The following MYO16 variants were observed in gnomAD, a reference collection of about 807,000 sequenced individuals.
The protein encoded by MYO16 is unconventional myosin-XVI.
In MYO16, 94 loss-of-function variants were observed where a neutral mutation model predicts 205.3. The observed-to-expected ratio is 0.46, with a 90% CI of 0.39 to 0.54. The LOEUF (loss-of-function observed/expected upper bound fraction) is 0.54. Ranked by LOEUF, MYO16 falls within the 20% of genes least tolerant of loss-of-function variation. The probability of loss-of-function intolerance (pLI) is 0.00; values close to 1 mark genes in which losing one functional copy is unlikely to be tolerated. For missense variants in MYO16, 2,315 were observed against 2,387.5 expected (o/e 0.97, Z 0.63); for synonymous variants, 988 against 954.0 (o/e 1.04, Z -0.66).
intron 27 of MYO16, among the ~76,000 whole-genome samples, chr13:109,082,032 C>T (rs1888296135): frequency 6.6e-6 from 1 of 152,164 alleles, no homozygotes; most frequent in Admixed American, 6.5e-5. Context: ...AGACTGTAGG[C>T]CCACAAAGCC....
At chr13:108,813,264 T>C (rs1165927406) in intron 7 of MYO16, among the ~76,000 whole-genome samples, 1 of 152,146 alleles carries the variant, frequency 6.6e-6, no homozygotes, top group Non-Finnish European at 1.5e-5. Context: ...AGTAATGTAT[T>C]AGACTTTCTA....
At chr13:108,559,020 C>G in the MYO16 span, among the ~76,000 whole-genome samples, 1 of 150,776 alleles carries the variant, frequency 6.6e-6, no homozygotes, top group Non-Finnish European at 1.5e-5. Context: ...GATACATTTC[C>G]TCAATAGCAC....
chr13:109,023,704 T>TATATACAAATATATGTATATATGC (rs1886237639), intron 23 of MYO16, among the ~76,000 whole-genome samples: 7 of 104,378 alleles, frequency 6.7e-5, no homozygotes, highest in Non-Finnish European at 1.4e-4. Flanking sequence ...TGTATATATG[T>TATATACAAATATATGTATATATGC]ATATATACAA....
chr13:108,600,711 T>G (rs774005101), intron 1 of MYO16, among the ~76,000 whole-genome samples: 1 of 152,202 alleles, frequency 6.6e-6, no homozygotes, highest in Non-Finnish European at 1.5e-5. Context: ...ACTTTGAAAC[T>G]TAGCAACCAT....
At chr13:108,636,519 A>G (rs192469696) in intron 1 of MYO16, among the ~76,000 whole-genome samples, 1 of 151,888 alleles carries the variant, frequency 6.6e-6, no homozygotes, top group Non-Finnish European at 1.5e-5. Context: ...AGCTGGGACT[A>G]CAAGTGCATA....
intron 8 of MYO16, among the ~76,000 whole-genome samples, chr13:108,821,770 A>T (rs55671841): frequency 0.015 from 2,328 of 152,228 alleles, 54 homozygotes; most frequent in African/African-American, 0.053. Context: ...GTCTAGACTC[A>T]GCACTGGTCA....
chr13:108,700,727 T>C (rs1883275400), intron 2 of MYO16, among the ~76,000 whole-genome samples: 1 of 152,168 alleles, frequency 6.6e-6, no homozygotes, highest in South Asian at 2.1e-4. Flanking sequence ...TTGCAACAAT[T>C]GGTACAAACA....
At chr13:109,062,851 T>G (rs371479751) in intron 27 of MYO16, among the ~76,000 whole-genome samples, 27 of 152,258 alleles carry the variant, frequency 1.8e-4, no homozygotes, top group African/African-American at 5.8e-4. Flanking sequence ...TTTTTGGTTG[T>G]TTGTTTGGTT....
chr13:108,840,470 A>G (rs1165223287), intron 9 of MYO16, among the ~76,000 whole-genome samples: 1 of 152,148 alleles, frequency 6.6e-6, no homozygotes, highest in Non-Finnish European at 1.5e-5. Flanking sequence ...TTAATATACA[A>G]AATCATTTGT....
At chr13:108,843,308 G>A (rs1877341866) in intron 9 of MYO16, among the ~76,000 whole-genome samples, 1 of 152,026 alleles carries the variant, frequency 6.6e-6, no homozygotes, top group South Asian at 2.1e-4. Flanking sequence ...AAAAATCACA[G>A]TGTGAGAAGC....
At chr13:108,500,519 C>G in the MYO16 span, among the ~76,000 whole-genome samples, 1 of 152,054 alleles carries the variant, frequency 6.6e-6, no homozygotes, top group Non-Finnish European at 1.5e-5. Context: ...TGAGCCACCA[C>G]GCCCGGACTT....
chr13:109,102,453 T>C (rs147236045), intron 28 of MYO16, among the ~76,000 whole-genome samples: 145 of 151,202 alleles, frequency 9.6e-4, no homozygotes, highest in Non-Finnish European at 4.6e-4. Flanking sequence ...TACTTACAGA[T>C]AATGATATAC....
chr13:109,085,971 T>G (rs1324490302), intron 27 of MYO16, among the ~76,000 whole-genome samples: 1 of 152,198 alleles, frequency 6.6e-6, no homozygotes, highest in Non-Finnish European at 1.5e-5. Flanking sequence ...TTTGATAAAG[T>G]GGGGTGCCCA....
intron 8 of MYO16, among the ~76,000 whole-genome samples, chr13:108,821,194 T>A (rs561092755): frequency 8.6e-5 from 13 of 152,042 alleles, no homozygotes; most frequent in African/African-American, 3.1e-4. Flanking sequence ...CTGACTTAAA[T>A]GTACTTTACT....
intron 5 of MYO16, 83 bp downstream of exon 5, chr13:108,785,826 A>G (rs1886441999): frequency 2.3e-6 from 2 of 866,788 alleles, no homozygotes; most frequent in South Asian, 1.7e-5. Flanking sequence ...GTTTGCTTAC[A>G]TGATTTCCGA....
intron 33 of MYO16, among the ~76,000 whole-genome samples, chr13:109,173,953 G>T (rs911394766): frequency 1.4e-5 from 2 of 147,630 alleles, no homozygotes; most frequent in Admixed American, 6.7e-5. Context: ...TTGATGGGGG[G>T]GGGTACTCTC....
Position 109,207,123 on chromosome 13 carries a change from G to GT in MYO16, c.*288dup, listed in dbSNP as rs1880635671. Reference sequence around the variant, plus strand: ...GGTAGCAAGAGAGAGGCTGGGAAAAGTGTGGACGTGGCCAGAGCGAGAGAG... The same window carrying GT: ...GGTAGCAAGAGAGAGGCTGGGAAAAGTTGTGGACGTGGCCAGAGCGAGAGAG... On this transcript the variant is annotated 3_prime_UTR_variant, in exon 35 of 35. Transcript: ENST00000457511. 5.1e-6 allele frequency: 2 copies of GT among 391,370 alleles called. No homozygotes were observed. Among genetic ancestry groups the GT allele is most frequent in the Middle Eastern group, 7.3e-4 (1 of 1,376 alleles). The allele number at this position is 391,370 out of a possible 1,614,324, so 24.2% of individuals were successfully genotyped here.
At chr13:108,585,155 C>T in the MYO16 span, among the ~76,000 whole-genome samples, 3 of 152,212 alleles carry the variant, frequency 2.0e-5, no homozygotes, top group South Asian at 4.1e-4. Context: ...GAGCCAAATA[C>T]GAGTGACCAT....
chr13:108,918,753 A>G (rs1566411036), intron 16 of MYO16, among the ~76,000 whole-genome samples: 1 of 152,216 alleles, frequency 6.6e-6, no homozygotes, highest in Non-Finnish European at 1.5e-5. Flanking sequence ...AACCTGGCCA[A>G]CATGGTGAAA....
Sources: gnomAD v4.1 joint callset for allele counts (sites outside exome capture counted in the v4.1 genomes callset) on GRCh38, gnomAD v4.1.1 for gene constraint, MANE v1.5 for transcripts, NCBI Gene and HGNC (gene_info 2026-07-23, HGNC 2026-07-21) for gene names.